The following MINK1 variants were observed in gnomAD, a reference collection of about 807,000 sequenced individuals.
The protein encoded by MINK1 is misshapen-like kinase 1.
A neutral mutation model predicts 178.4 loss-of-function variants in MINK1; 46 were observed. The observed-to-expected ratio is 0.26, with a 90% CI of 0.20 to 0.33. The LOEUF (loss-of-function observed/expected upper bound fraction) is 0.33, where lower values mean the gene tolerates loss of function less well. Ranked by LOEUF, MINK1 falls within the 10% of genes least tolerant of loss-of-function variation. The probability of loss-of-function intolerance (pLI) is 1.00; values close to 1 mark genes in which losing one functional copy is unlikely to be tolerated. For missense variants in MINK1, 1,366 were observed against 1,814.9 expected (o/e 0.75, Z 4.49); for synonymous variants, 797 against 709.7 (o/e 1.12, Z -1.96).
intron 1 of MINK1, among the ~76,000 whole-genome samples, chr17:4,877,805 ACTT>A (rs1180809848): frequency 7.5e-6 from 1 of 133,352 alleles, no homozygotes; most frequent in Non-Finnish European, 1.6e-5. Context: ...ATGTTCTCTC[ACTT>A]CTTTTTTTTT....
intron 1 of MINK1, among the ~76,000 whole-genome samples, chr17:4,850,812 A>G (rs907937901): frequency 6.6e-6 from 1 of 152,206 alleles, no homozygotes; most frequent in Non-Finnish European, 1.5e-5. Flanking sequence ...ATTGAAAACC[A>G]GCAGCAAGAA....
chr17:4,892,431 A>G lies in MINK1; in HGVS notation c.2117A>G (p.Tyr706Cys), dbSNP rs771321938. Residue 706 changes from tyrosine to cysteine, a missense_variant, in exon 18 of 32, where the codon TAT becomes TGT. By Grantham distance (194) the Tyr-to-Cys change is radical (BLOSUM62 -2). Coordinates refer to ENST00000355280, the MANE Select transcript of MINK1 (RefSeq NM_153827.5). ...CGCAGCAACTCCGCCTGGCAAATCTATCTGCAAAGGCGGGCAGAGCGGGGC... is the reference window on the plus strand; with the variant it reads ...CGCAGCAACTCCGCCTGGCAAATCTGTCTGCAAAGGCGGGCAGAGCGGGGC... ...RPRSNSAWQI[Y>C]LQRRAERGTP... 1.3e-5 allele frequency: 21 copies of G among 1,557,724 alleles called. No homozygotes were observed. In the Admixed American group the frequency reaches 1.7e-4, roughly 13 times the overall value.
chr17:4,868,456 C>T (rs1043469238), intron 1 of MINK1, among the ~76,000 whole-genome samples: 13 of 152,176 alleles, frequency 8.5e-5, no homozygotes, highest in Non-Finnish European at 1.6e-4. Context: ...TTCTACTCTC[C>T]ACCTCCTTGA....
rs1179358446 is a variant in MINK1, at chr17:4,889,556, G to A, written c.1231-91G>A. On this transcript the variant is annotated intron_variant, in intron 12 of 31. Transcript: ENST00000355280. ...GGTCTCTCTTACCACCCTCCGTGGTGAGCAAGGAGGGCTCCCCTCCCTGTC... is the reference window on the plus strand; with the variant it reads ...GGTCTCTCTTACCACCCTCCGTGGTAAGCAAGGAGGGCTCCCCTCCCTGTC... 9.1e-6 allele frequency: 10 copies of A among 1,098,554 alleles called. No individual in the cohort carries two copies. The East Asian group carries it at 2.3e-4, about 25-fold the overall frequency. 68.1% of individuals were successfully genotyped at this position (1,098,554 alleles called of 1,614,324 possible).
chr17:4,892,845 G>T, intron 19 of MINK1, 77 bp downstream of exon 19: 1 of 1,441,142 alleles, frequency 6.9e-7, no homozygotes, highest in Non-Finnish European at 9.5e-7. Context: ...GGTGGCTTTG[G>T]ACTGGGGCAC....
chr17:4,834,089 CCT>C (rs1332287433), intron 1 of MINK1, among the ~76,000 whole-genome samples: 6 of 152,144 alleles, frequency 3.9e-5, no homozygotes, highest in Non-Finnish European at 1.5e-5. Flanking sequence ...GTCTCGACAG[CCT>C]CTCTCTCATC....
At chr17:4,858,319 C>T (rs1219626937) in intron 1 of MINK1, among the ~76,000 whole-genome samples, 1 of 152,082 alleles carries the variant, frequency 6.6e-6, no homozygotes, top group Non-Finnish European at 1.5e-5. Context: ...CCCAGGCCAG[C>T]TCAGGCTCAC....
At chr17:4,869,015 C>T in intron 1 of MINK1, 1 of 154,056 alleles carries the variant, frequency 6.5e-6, no homozygotes. Context: ...GCTCTGCCTC[C>T]CAGGTTCACG....
intron 1 of MINK1, among the ~76,000 whole-genome samples, chr17:4,849,522 AC>A (rs1486881927): frequency 2.0e-5 from 3 of 151,644 alleles, no homozygotes; most frequent in African/African-American, 7.3e-5. Flanking sequence ...TGTGCTCCCC[AC>A]CCCTGCTCCT....
intron 2 of MINK1, among the ~76,000 whole-genome samples, 191 bp from the exon 3 acceptor site, chr17:4,880,793 G>T (rs140514541): frequency 6.6e-6 from 1 of 151,904 alleles, no homozygotes; most frequent in Admixed American, 6.5e-5. Flanking sequence ...CCAGCTATCC[G>T]GGAGGCTGAG....
Position 4,887,104 on chromosome 17 carries a change from C to CT in MINK1, c.950-5dup. On this transcript the variant is annotated splice_polypyrimidine_tract_variant and splice_region_variant and intron_variant, in intron 10 of 31. Transcript: ENST00000355280. This position sits in a 1 kb window ranked among gnomAD's most constrained non-coding sequence, Gnocchi z 7.6. ...GTGAGATAACTGCAGTGGCCTCCCC[C>CT]TGCAGAGGAGACAGAATATGAGTAC... is the stretch of plus-strand genomic sequence containing the variant. 5 of 1,587,110 alleles carry CT rather than the reference C, an allele frequency of 3.2e-6. No homozygotes were observed. The highest frequency in any genetic ancestry group is 4.3e-6 in the Non-Finnish European group (5 of 1,166,658).
Position 4,894,157 on chromosome 17 carries a change from T to G in MINK1, c.2671-17T>G. 1.2e-6 allele frequency: 2 copies of G among 1,613,204 alleles called. No homozygotes were observed. Among genetic ancestry groups the G allele is most frequent in the Non-Finnish European group, 1.7e-6 (2 of 1,179,546 alleles). Reference sequence around the variant, plus strand: ...GCCCTCCTCAGCCCCACGCCAACCCTGCCCTCTGTCCTGTAGACCCCTGAA... The same window carrying G: ...GCCCTCCTCAGCCCCACGCCAACCCGGCCCTCTGTCCTGTAGACCCCTGAA... On this transcript the variant is annotated splice_polypyrimidine_tract_variant and intron_variant, in intron 22 of 31. Transcript: ENST00000355280. This position sits in a 1 kb window ranked among gnomAD's most constrained non-coding sequence, Gnocchi z 4.1.
At chr17:4,839,659 A>G (rs143907019) in intron 1 of MINK1, among the ~76,000 whole-genome samples, 1 of 152,256 alleles carries the variant, frequency 6.6e-6, no homozygotes, top group East Asian at 1.9e-4. Context: ...ATCTATAGGA[A>G]GCTCTTCTAG....
In MINK1 at chr17:4,895,839, A is replaced by T; in HGVS notation, c.3364+7A>T. Reference sequence around the variant, plus strand: ...TGCGGGCACTACCGTGTTGGTGAGGATGTCCCAACAGAGTGGCCAGCGCAT... The same window carrying T: ...TGCGGGCACTACCGTGTTGGTGAGGTTGTCCCAACAGAGTGGCCAGCGCAT... On this transcript the variant is annotated splice_region_variant and intron_variant, in intron 27 of 31. Coordinates refer to ENST00000355280, the MANE Select transcript of MINK1 (RefSeq NM_153827.5). The surrounding 1 kb of genome is among the most constrained non-coding windows in gnomAD (Gnocchi z 4.3). 1 of 1,612,984 alleles carries T rather than the reference A, an allele frequency of 6.2e-7. No individual in the cohort carries two copies. The highest frequency in any genetic ancestry group is 8.5e-7 in the Non-Finnish European group (1 of 1,179,406).
At chr17:4,876,091 G>C (rs1024077936) in intron 1 of MINK1, among the ~76,000 whole-genome samples, 1 of 151,996 alleles carries the variant, frequency 6.6e-6, no homozygotes, top group East Asian at 1.9e-4. Flanking sequence ...CACCGCGCCC[G>C]GCCAAGATTT....
At chr17:4,868,257 G>A (rs1030885746) in intron 1 of MINK1, among the ~76,000 whole-genome samples, 25 of 152,104 alleles carry the variant, frequency 1.6e-4, no homozygotes, top group Non-Finnish European at 3.4e-4. Flanking sequence ...GATTACAGGC[G>A]TGAGCCACCG....
At chr17:4,881,690 G>A (rs1967713931) in intron 4 of MINK1, among the ~76,000 whole-genome samples, 1 of 152,232 alleles carries the variant, frequency 6.6e-6, no homozygotes, top group African/African-American at 2.4e-5. Flanking sequence ...ACCCCTCCCA[G>A]AACCCCAGAT....
Position 4,891,542 on chromosome 17 carries a change from C to G in MINK1, c.1827C>G (p.Asn609Lys). ...CCCTGCAGGACCAGCCCACCCGAAA[C>G]CTGGCTGCCTTCCCAGCCTCCCATG... ...SQSLQDQPTR[N>K]LAAFPASHDP... is the part of the protein sequence containing the mutation. Residue 609 changes from asparagine to lysine, a missense_variant, in exon 16 of 32, where the codon AAC (asparagine) becomes AAG (lysine). Around this residue, in one of 14 missense-constraint regions of MINK1, gnomAD observed 709 missense variants for 692.3 expected, o/e 1.02. Transcript: ENST00000355280. 2 of 1,610,130 alleles carry G rather than the reference C, an allele frequency of 1.2e-6. No individual in the cohort carries two copies. The highest frequency in any genetic ancestry group is 1.7e-6 in the Non-Finnish European group (2 of 1,178,518).
Position 4,894,374 on chromosome 17 carries a change from G to GCC in MINK1, c.2808+63_2808+64insCC. 6.4e-7 allele frequency: 1 copy of GCC among 1,573,872 alleles called. No individual in the cohort carries two copies. Among genetic ancestry groups the GCC allele is most frequent in the Admixed American group, 1.9e-5 (1 of 53,418 alleles). On this transcript the variant is annotated intron_variant, in intron 23 of 31. Transcript: ENST00000355280. The surrounding 1 kb of genome is among the most constrained non-coding windows in gnomAD (Gnocchi z 4.1). The stretch of plus-strand genomic sequence containing the variant: ...GCCCTGGCGATGGGCAGGAGGTCCC[G>GCC]GTGCTGGGTAACGGCAGAGGATGGG...
Sources: gnomAD v4.1 joint callset for allele counts (sites outside exome capture counted in the v4.1 genomes callset) on GRCh38, gnomAD v4.1.1 for gene constraint, gnomAD v4.1.1 regional missense constraint, Gnocchi (gnomAD v3.1) non-coding constraint, MANE v1.5 for transcripts, NCBI Gene and HGNC (gene_info 2026-07-23, HGNC 2026-07-21) for gene names.